The following ASCC1 variants were observed in gnomAD, a reference collection of about 807,000 sequenced individuals.
ASCC1 encodes ASC-1 complex subunit P50.
Under a neutral mutation model 46.6 loss-of-function variants are expected in ASCC1, and 35 were observed. The observed-to-expected ratio is 0.75, with a 90% CI of 0.57 to 0.99. The LOEUF is 0.99. Ranked by LOEUF, ASCC1 falls within the 50% of genes least tolerant of loss-of-function variation. The pLI is 0.00. For synonymous variants in ASCC1, 143 were observed against 146.6 expected (o/e 0.98, Z 0.18); for missense variants, 376 against 428.7 (o/e 0.88, Z 1.09).
chr10:72,138,125 A>G (rs1483589976), intron 7 of ASCC1, among the ~76,000 whole-genome samples: 3 of 152,288 alleles, frequency 2.0e-5, no homozygotes, highest in African/African-American at 4.8e-5. Flanking sequence ...TTGGCCTCCC[A>G]AAGTGTTGGG....
chr10:72,186,222 G>A (rs1377494463), intron 5 of ASCC1, among the ~76,000 whole-genome samples: 1 of 151,640 alleles, frequency 6.6e-6, no homozygotes, highest in Admixed American at 6.6e-5. Flanking sequence ...TGAACTCCTG[G>A]GCTTAAGCTA....
At chr10:72,200,531 C>T (rs1856344553) in intron 4 of ASCC1, among the ~76,000 whole-genome samples, 1 of 151,664 alleles carries the variant, frequency 6.6e-6, no homozygotes, top group Non-Finnish European at 1.5e-5. Context: ...GTCTGTAATC[C>T]CAACTACTTG....
chr10:72,196,373 A>G (rs1032416158), intron 5 of ASCC1, among the ~76,000 whole-genome samples: 13 of 151,690 alleles, frequency 8.6e-5, no homozygotes, highest in African/African-American at 2.9e-4. Flanking sequence ...CCATCTCCCA[A>G]GTTCAAGCAA....
intron 7 of ASCC1, among the ~76,000 whole-genome samples, chr10:72,140,203 A>C (rs978607030): frequency 2.0e-5 from 3 of 152,232 alleles, no homozygotes; most frequent in Non-Finnish European, 4.4e-5. Flanking sequence ...TTTAAGAAAA[A>C]GAAGAAAGGA....
At chr10:72,197,432 C>A (rs1389410937) in intron 4 of ASCC1, among the ~76,000 whole-genome samples, 1 of 131,576 alleles carries the variant, frequency 7.6e-6, no homozygotes, top group Non-Finnish European at 1.5e-5. Flanking sequence ...CGTGCTACTG[C>A]ACTCCAGCCT....
intron 3 of ASCC1, 40 bp downstream of exon 3, chr10:72,210,691 TG>T: frequency 6.4e-7 from 1 of 1,568,618 alleles, no homozygotes; most frequent in Non-Finnish European, 8.8e-7. Context: ...CTGAGTTTCC[TG>T]GAAGTGTCTT....
At chr10:72,165,677 A>G (rs550751569) in intron 5 of ASCC1, among the ~76,000 whole-genome samples, 1 of 152,340 alleles carries the variant, frequency 6.6e-6, no homozygotes, top group Admixed American at 6.5e-5. Flanking sequence ...ATCTGATGAA[A>G]AGTTTTGTGA....
intron 7 of ASCC1, 135 bp from the exon 8 acceptor site, chr10:72,133,316 TAA>T: frequency 1.2e-6 from 1 of 846,596 alleles, no homozygotes; most frequent in South Asian, 1.4e-5. Context: ...GGAGGAAGAA[TAA>T]GAGACTCATC....
chr10:72,173,625 T>A (rs12355845), intron 5 of ASCC1, among the ~76,000 whole-genome samples: 5 of 152,226 alleles, frequency 3.3e-5, no homozygotes, highest in Non-Finnish European at 7.4e-5. Context: ...AATTCTGCCC[T>A]ACCTCACAAT....
intron 9 of ASCC1, among the ~76,000 whole-genome samples, chr10:72,098,521 G>A (rs1841359487): frequency 1.3e-5 from 2 of 152,172 alleles, no homozygotes; most frequent in African/African-American, 2.4e-5. Flanking sequence ...CACCATACCT[G>A]GCCCCAAGAA....
intron 9 of ASCC1, among the ~76,000 whole-genome samples, chr10:72,112,603 C>T (rs541373495): frequency 2.0e-5 from 3 of 152,048 alleles, no homozygotes; most frequent in South Asian, 2.1e-4. Flanking sequence ...AAACAACGGC[C>T]GGGTGCAGTG....
chr10:72,115,610 A>C (rs1417754024), intron 9 of ASCC1, among the ~76,000 whole-genome samples: 5 of 152,172 alleles, frequency 3.3e-5, no homozygotes, highest in African/African-American at 4.8e-5. Flanking sequence ...TTTGAAGGAG[A>C]AAAGGGCTTA....
intron 4 of ASCC1, chr10:72,198,741 C>T (rs976287362): frequency 4.4e-6 from 2 of 453,998 alleles, no homozygotes; most frequent in African/African-American, 4.0e-5. Context: ...CTTGACTTCA[C>T]ATCACAATTC....
At chr10:72,144,475 T>A (rs1847405865) in intron 7 of ASCC1, among the ~76,000 whole-genome samples, 1 of 152,200 alleles carries the variant, frequency 6.6e-6, no homozygotes, top group Admixed American at 6.5e-5. Flanking sequence ...TTAACATATA[T>A]TGTAATTATT....
intron 9 of ASCC1, among the ~76,000 whole-genome samples, chr10:72,118,812 A>AT (rs1298969659): frequency 6.6e-6 from 1 of 152,178 alleles, no homozygotes; most frequent in African/African-American, 2.4e-5. Context: ...AAAGAAAGAA[A>AT]TAATATACTT....
At chr10:72,205,335 C>A (rs1434763319) in intron 3 of ASCC1, among the ~76,000 whole-genome samples, 2 of 151,888 alleles carry the variant, frequency 1.3e-5, no homozygotes, top group African/African-American at 2.4e-5. Context: ...CAAAGCCAGG[C>A]AAGGTGGCTC....
intron 5 of ASCC1, among the ~76,000 whole-genome samples, chr10:72,185,607 T>C (rs901902858): frequency 3.9e-5 from 6 of 152,148 alleles, no homozygotes; most frequent in Admixed American, 6.5e-5. Context: ...GGAAACCTAA[T>C]AGCAACACAA....
intron 5 of ASCC1, among the ~76,000 whole-genome samples, chr10:72,179,769 T>C (rs925968269): frequency 1.3e-5 from 2 of 152,192 alleles, no homozygotes; most frequent in African/African-American, 4.8e-5. Flanking sequence ...ATATTTGCTA[T>C]TTTATACATC....
rs575540233 is a variant in ASCC1, at chr10:72,105,614, G to T, written c.958-8164C>A. On this transcript the variant is annotated intron_variant, in intron 9 of 9. Coordinates refer to ENST00000672957, the MANE Select transcript of ASCC1 (RefSeq NM_001198800.3). ...TCAAGGTTTTCCCTGACAAACAATGGCAAGATAAAATCCAACCATCCTGCT... is the reference window on the plus strand; with the variant it reads ...TCAAGGTTTTCCCTGACAAACAATGTCAAGATAAAATCCAACCATCCTGCT... Among the ~76,000 whole-genome samples the T allele has an allele frequency of 3.9e-5, 6 of 152,294 alleles. No individual in the cohort carries two copies. The East Asian group carries it at 9.6e-4, about 24-fold the overall frequency.
Sources: allele counts gnomAD v4.1 joint callset (sites outside exome capture counted in the v4.1 genomes callset), GRCh38; gene constraint gnomAD v4.1.1; transcripts MANE v1.5; gene names NCBI Gene and HGNC (gene_info 2026-07-23, HGNC 2026-07-21).